The following C7orf57 variants were observed in gnomAD, a reference collection of about 807,000 sequenced individuals.
The protein encoded by C7orf57 is chromosome 7 open reading frame 57.
C7orf57 carries 33 observed loss-of-function variants against 39.0 expected under a neutral mutation model. The observed-to-expected ratio is 0.85, with a 90% confidence interval of 0.64 to 1.13. The LOEUF is 1.13. C7orf57 is among the 50% of genes most tolerant of loss of function. The pLI is 0.00. For missense variants in C7orf57, 346 were observed against 362.3 expected (o/e 0.95, Z 0.37); for synonymous variants, 124 against 137.1 (o/e 0.90, Z 0.67).
chr7:48,035,625 G>T lies in C7orf57; in HGVS notation c.-107G>T. 1.5e-6 allele frequency: 1 copy of T among 686,530 alleles called. No homozygotes were observed. The highest frequency in any genetic ancestry group is 1.5e-5 in the South Asian group (1 of 65,628). 42.5% of individuals were successfully genotyped at this position (686,530 alleles called of 1,614,324 possible). A position where few individuals can be genotyped will look rare whatever the true frequency, so the allele number is the denominator to read the frequency against. On this transcript the variant is annotated 5_prime_UTR_variant, in exon 1 of 9. Coordinates refer to ENST00000348904, the MANE Select transcript of C7orf57 (RefSeq NM_001100159.3). The surrounding 1 kb of genome is among the most constrained non-coding windows in gnomAD (Gnocchi z 4.0). ...GGCAGCACCCACGGAGACCCGCGGG[G>T]AGCTGGTGAGCCTGAGCGGGCTGGA... is the stretch of plus-strand genomic sequence containing the variant.
intron 4 of C7orf57, among the ~76,000 whole-genome samples, chr7:48,044,296 AAG>A (rs1345571312): frequency 6.6e-6 from 1 of 152,132 alleles, no homozygotes; most frequent in Non-Finnish European, 1.5e-5. Context: ...CACAGACCAG[AAG>A]AGTGTGCAGT....
chr7:48,035,757 G>T lies in C7orf57; in HGVS notation c.-102+127G>T, dbSNP rs994870174. 8.6e-6 allele frequency: 5 copies of T among 583,706 alleles called. No individual in the cohort carries two copies. In the African/African-American group the frequency reaches 9.8e-5, roughly 11 times the overall value. The allele number at this position is 583,706 out of a possible 1,614,324, so 36.2% of individuals were successfully genotyped here. On this transcript the variant is annotated intron_variant, in intron 1 of 8. Coordinates refer to ENST00000348904, the MANE Select transcript of C7orf57 (RefSeq NM_001100159.3). This position sits in a 1 kb window ranked among gnomAD's most constrained non-coding sequence, Gnocchi z 4.0. ...GAGGGAGGGGACCACCTTGTCGCCG[G>T]GTTGGGATGAGCACAGGGCGGGATC...
chr7:48,054,469 G>T, intron 7 of C7orf57, 126 bp from the exon 8 acceptor site: 5 of 561,822 alleles, frequency 8.9e-6, no homozygotes, highest in African/African-American at 2.0e-5. Flanking sequence ...AATGTCAAGA[G>T]TGTTTTATGA....
rs1385240110 is a variant in C7orf57, at chr7:48,049,992, T to C, written c.605+15T>C. 4.5e-6 allele frequency: 7 copies of C among 1,554,122 alleles called. No homozygotes were observed. Among genetic ancestry groups the C allele is most frequent in the Non-Finnish European group, 6.2e-6 (7 of 1,125,354 alleles). On this transcript the variant is annotated intron_variant, in intron 6 of 8. Coordinates refer to ENST00000348904, the MANE Select transcript of C7orf57 (RefSeq NM_001100159.3). ...TTCCCCCCCGTGTAAGTGCTTGAGC[T>C]ACGCCCTCACTGTCTGGACTGGGTT...
chr7:48,036,075 G>T, intron 1 of C7orf57, 133 bp from the exon 2 acceptor site: 1 of 605,438 alleles, frequency 1.7e-6, no homozygotes, highest in Non-Finnish European at 2.9e-6. Flanking sequence ...CTGTTTACCT[G>T]GCGTGGACAT....
chr7:48,036,427 C>T, intron 2 of C7orf57, 64 bp downstream of exon 2: 2 of 1,435,100 alleles, frequency 1.4e-6, no homozygotes, highest in Non-Finnish European at 1.9e-6. Flanking sequence ...GCTTGCTAGA[C>T]ACGCTGTGGA....
At chr7:48,046,066 G>A (rs1790703500) in intron 4 of C7orf57, among the ~76,000 whole-genome samples, 1 of 152,024 alleles carries the variant, frequency 6.6e-6, no homozygotes, top group Admixed American at 6.6e-5. Flanking sequence ...CTAACGTTGA[G>A]ACCTTGTGAT....
At chr7:48,040,077 T>C (rs1161014524) in intron 2 of C7orf57, among the ~76,000 whole-genome samples, 7 of 152,206 alleles carry the variant, frequency 4.6e-5, no homozygotes, top group Admixed American at 2.6e-4. Context: ...TAAACACTGA[T>C]AACTCCAGGT....
intron 6 of C7orf57, among the ~76,000 whole-genome samples, chr7:48,051,880 T>C (rs540565226): frequency 0.025 from 1,777 of 70,474 alleles, 238 homozygotes; most frequent in Middle Eastern, 0.042. Context: ...TCTCTTTCTC[T>C]TTCTTTCTTT....
intron 2 of C7orf57, among the ~76,000 whole-genome samples, chr7:48,038,658 A>G (rs1790458151): frequency 6.6e-6 from 1 of 152,210 alleles, no homozygotes; most frequent in South Asian, 2.1e-4. Flanking sequence ...ATATTTAAAG[A>G]GGTTTATTCT....
intron 5 of C7orf57, among the ~76,000 whole-genome samples, 171 bp from the exon 6 acceptor site, chr7:48,049,709 A>G (rs191340353): frequency 3.3e-5 from 5 of 152,274 alleles, no homozygotes; most frequent in African/African-American, 1.2e-4. Flanking sequence ...TTACATAACT[A>G]TTTTGTTGAA....
chr7:48,046,162 T>A (rs1475622410), intron 4 of C7orf57, among the ~76,000 whole-genome samples: 1 of 151,790 alleles, frequency 6.6e-6, no homozygotes, highest in African/African-American at 2.4e-5. Context: ...AGGGCCCGTC[T>A]GTGTTTTCAA....
chr7:48,049,298 C>T (rs1008750105), intron 5 of C7orf57, among the ~76,000 whole-genome samples: 2 of 152,212 alleles, frequency 1.3e-5, no homozygotes, highest in Non-Finnish European at 2.9e-5. Flanking sequence ...AATTCTTACA[C>T]TTCCTTTTCC....
chr7:48,057,159 G>GA (rs71298785), intron 8 of C7orf57, among the ~76,000 whole-genome samples: 46,416 of 151,038 alleles, frequency 0.31, 7,722 homozygotes, highest in Middle Eastern at 0.54. Flanking sequence ...CTATTTCTGT[G>GA]AAAAATGTCA....
chr7:48,052,442 C>G (rs1477816417), intron 6 of C7orf57, among the ~76,000 whole-genome samples: 1 of 152,144 alleles, frequency 6.6e-6, no homozygotes, highest in Non-Finnish European at 1.5e-5. Flanking sequence ...TAAACATGCT[C>G]TCATCCCTGT....
chr7:48,046,148 G>C (rs1185086252), intron 4 of C7orf57, among the ~76,000 whole-genome samples: 2 of 152,004 alleles, frequency 1.3e-5, no homozygotes, highest in East Asian at 3.9e-4. Flanking sequence ...AGGCACAGGA[G>C]GGAAGGGCCC....
chr7:48,040,679 G>C (rs1790521983), intron 2 of C7orf57, among the ~76,000 whole-genome samples: 1 of 152,074 alleles, frequency 6.6e-6, no homozygotes, highest in Non-Finnish European at 1.5e-5. Context: ...GGAGAGAATG[G>C]GGGAACTCAC....
At position 48,054,610 on chromosome 7, in the gene C7orf57, A is replaced by C. The variant is rs1791057056; in HGVS notation, c.841+4A>C. On this transcript the variant is annotated splice_donor_region_variant and intron_variant, in intron 8 of 8. Coordinates refer to ENST00000348904, the MANE Select transcript of C7orf57 (RefSeq NM_001100159.3). ...TTTATTACAGAGTCTTCTCAAAGTG[A>C]GTACTTATAAAGTAACCAGCACCAA... 2 of 1,549,200 alleles carry C rather than the reference A, an allele frequency of 1.3e-6. No homozygotes were observed. The highest frequency in any genetic ancestry group is 3.9e-5 in the Admixed American group (2 of 50,956).
chr7:48,048,200 G>C (rs1191695554), intron 5 of C7orf57, among the ~76,000 whole-genome samples: 1 of 152,154 alleles, frequency 6.6e-6, no homozygotes, highest in African/African-American at 2.4e-5. Flanking sequence ...ACATGGTGTC[G>C]GGTAAGGTGC....
Sources: gnomAD v4.1 joint callset for allele counts (sites outside exome capture counted in the v4.1 genomes callset) on GRCh38, gnomAD v4.1.1 for gene constraint, Gnocchi (gnomAD v3.1) non-coding constraint, MANE v1.5 for transcripts, NCBI Gene and HGNC (gene_info 2026-07-23, HGNC 2026-07-21) for gene names.